The following ARL15 variants were observed in gnomAD, a reference collection of about 807,000 sequenced individuals.
ARL15 encodes the protein ARF like GTPase 15.
In ARL15, 19 loss-of-function variants were observed where a neutral mutation model predicts 25.2. That is an observed-to-expected ratio of 0.75 (90% CI 0.53 to 1.10). ARL15 has a LOEUF of 1.10. Among genes scored for constraint, ARL15 ranks in the 50% least tolerant of loss-of-function variants. The pLI is 0.00. For synonymous variants in ARL15, 94 were observed against 86.8 expected (o/e 1.08, Z -0.46); for missense variants, 220 against 246.0 (o/e 0.89, Z 0.71).
chr5:54,217,960 C>T (rs977581686), intron 1 of ARL15, among the ~76,000 whole-genome samples: 1 of 152,088 alleles, frequency 6.6e-6, no homozygotes, highest in African/African-American at 2.4e-5. Context: ...CCAAACATTG[C>T]TTAATGTAAC....
chr5:53,886,656 G>A lies in ARL15; in HGVS notation c.520C>T (p.Pro174Ser). The change falls in exon 5 of 5, where the codon CCC becomes TCC. Residue 174 changes from proline to serine, a missense_variant. Coordinates refer to ENST00000504924, the MANE Select transcript of ARL15 (RefSeq NM_019087.3). Reference sequence around the variant, plus strand: ...GCATCCATGTCATCCAGTGAGCAGGGCTGTAGAATCCAGCGTTTTCCACGT... The same window carrying A: ...GCATCCATGTCATCCAGTGAGCAGGACTGTAGAATCCAGCGTTTTCCACGT... ...LARGKRWILQ[P>S]CSLDDMDALK... 6.3e-7 allele frequency: 1 copy of A among 1,576,096 alleles called. No individual in the cohort carries two copies. Among genetic ancestry groups the A allele is most frequent in the Admixed American group, 1.8e-5 (1 of 54,930 alleles).
chr5:54,189,816 T>C (rs756619835), intron 1 of ARL15, among the ~76,000 whole-genome samples: 16 of 152,026 alleles, frequency 1.1e-4, no homozygotes, highest in Admixed American at 2.6e-4. Context: ...AATAGGCAAA[T>C]TGAACTTTAT....
chr5:54,017,777 A>G (rs980419157), intron 4 of ARL15, among the ~76,000 whole-genome samples: 2 of 151,920 alleles, frequency 1.3e-5, no homozygotes, highest in African/African-American at 4.8e-5. Context: ...CCTTCCATTA[A>G]CCCCCAGAGC....
intron 1 of ARL15, among the ~76,000 whole-genome samples, chr5:54,205,451 G>T (rs1485703514): frequency 1.3e-5 from 2 of 152,306 alleles, no homozygotes; most frequent in East Asian, 3.9e-4. Context: ...GTTCCAAACA[G>T]AACAAAAGTT....
intron 4 of ARL15, among the ~76,000 whole-genome samples, chr5:53,964,767 T>C (rs1747494645): frequency 6.6e-6 from 1 of 152,202 alleles, no homozygotes; most frequent in South Asian, 2.1e-4. Flanking sequence ...AATGTAGAAA[T>C]ACTTTCTATA....
At position 54,054,355 on chromosome 5, in the gene ARL15, T is replaced by C. The variant is rs1046387361; in HGVS notation, c.462+58847A>G. Among the ~76,000 whole-genome samples, 12 of 152,358 alleles carry C rather than the reference T, an allele frequency of 7.9e-5. No individual in the cohort carries two copies. The South Asian group carries it at 1.0e-3, about 13-fold the overall frequency. ...AGTGGATTATGTATAAGAAAATTTA[T>C]TGTGGCACTCTTTCTGAAAGAAAAA... On this transcript the variant is annotated intron_variant, in intron 4 of 4. Transcript: ENST00000504924.
intron 4 of ARL15, among the ~76,000 whole-genome samples, chr5:53,918,282 C>T (rs1232531679): frequency 6.6e-6 from 1 of 152,094 alleles, no homozygotes; most frequent in Non-Finnish European, 1.5e-5. Context: ...ACATCCTGCG[C>T]TGAAGCAATA....
At chr5:54,018,896 T>G (rs1749504699) in intron 4 of ARL15, among the ~76,000 whole-genome samples, 1 of 152,166 alleles carries the variant, frequency 6.6e-6, no homozygotes, top group African/African-American at 2.4e-5. Context: ...AATAATCTAT[T>G]ATAGTTCCCA....
Position 54,134,192 on chromosome 5 carries a change from A to T in ARL15, c.253+20388T>A, listed in dbSNP as rs150245102. On this transcript the variant is annotated intron_variant, in intron 3 of 4. Coordinates refer to ENST00000504924, the MANE Select transcript of ARL15 (RefSeq NM_019087.3). ...ATTGTGAACCACCATGGGTTCACTAAGAATAAATGTTTCTAAATAATTCTC... is the reference window on the plus strand; with the variant it reads ...ATTGTGAACCACCATGGGTTCACTATGAATAAATGTTTCTAAATAATTCTC... Among the ~76,000 whole-genome samples the T allele has an allele frequency of 2.3e-3, 354 of 152,374 alleles. 2 individuals carry two copies. The highest frequency in any genetic ancestry group is 8.3e-3 in the African/African-American group (346 of 41,594).
At chr5:54,110,909 C>T (rs896631724) in intron 4 of ARL15, among the ~76,000 whole-genome samples, 1 of 151,980 alleles carries the variant, frequency 6.6e-6, no homozygotes, top group Non-Finnish European at 1.5e-5. Context: ...TTCCTGAGAG[C>T]ATTTCAACAA....
intron 4 of ARL15, among the ~76,000 whole-genome samples, chr5:54,108,193 G>A (rs1309323568): frequency 6.6e-6 from 1 of 152,076 alleles, no homozygotes; most frequent in African/African-American, 2.4e-5. Flanking sequence ...ATATTTTCAA[G>A]AGATAGCTGA....
At chr5:53,968,533 A>G (rs943366227) in intron 4 of ARL15, among the ~76,000 whole-genome samples, 1 of 152,156 alleles carries the variant, frequency 6.6e-6, no homozygotes, top group Non-Finnish European at 1.5e-5. Context: ...TGTAATTTCA[A>G]CTATCATAAG....
intron 4 of ARL15, among the ~76,000 whole-genome samples, chr5:53,976,588 C>T (rs1747932674): frequency 6.6e-6 from 1 of 152,196 alleles, no homozygotes; most frequent in South Asian, 2.1e-4. Context: ...CAGCCCCAAA[C>T]CGTAGTCTAG....
At chr5:54,178,351 G>A (rs188819797) in intron 1 of ARL15, among the ~76,000 whole-genome samples, 270 of 152,132 alleles carry the variant, frequency 1.8e-3, no homozygotes, top group Non-Finnish European at 3.4e-3. Context: ...TTCTTCAGTC[G>A]GCTTTGGGAC....
chr5:53,951,831 G>T (rs1746975775), intron 4 of ARL15, among the ~76,000 whole-genome samples: 2 of 141,450 alleles, frequency 1.4e-5, no homozygotes, highest in Admixed American at 7.1e-5. Context: ...TGTTCTCTTA[G>T]ACTTTACATA....
At chr5:53,928,234 T>G (rs1014810188) in intron 4 of ARL15, among the ~76,000 whole-genome samples, 2 of 152,176 alleles carry the variant, frequency 1.3e-5, no homozygotes, top group Non-Finnish European at 2.9e-5. Flanking sequence ...TGATTTATGG[T>G]TGCTTAGGTA....
rs75401707 is a variant in ARL15, at chr5:54,253,199, C to T, written c.48+57233G>A. ...CTTCTCGGCAGCAGTCAGCATAGCA[C>T]TCAAATAGCAAGTGGCTTCAAGAGG... On this transcript the variant is annotated intron_variant, in intron 1 of 4. Transcript: ENST00000504924. Among the ~76,000 whole-genome samples the T allele has an allele frequency of 9.8e-3, 1,486 of 152,192 alleles. 9 individuals are homozygous for T. Among genetic ancestry groups the T allele is most frequent in the Middle Eastern group, 0.02 (6 of 294 alleles).
chr5:53,956,565 C>A (rs1437907095), intron 4 of ARL15, among the ~76,000 whole-genome samples: 1 of 151,568 alleles, frequency 6.6e-6, no homozygotes, highest in Non-Finnish European at 1.5e-5. Flanking sequence ...CAGATAAAGA[C>A]TTTAAGTCAG....
intron 1 of ARL15, among the ~76,000 whole-genome samples, chr5:54,183,741 C>CA (rs1755135203): frequency 6.7e-6 from 1 of 150,192 alleles, no homozygotes; most frequent in African/African-American, 2.5e-5. Flanking sequence ...CCAGCCATCC[C>CA]ATTACTGGGT....
Sources: gnomAD v4.1 joint callset for allele counts (sites outside exome capture counted in the v4.1 genomes callset) on GRCh38, gnomAD v4.1.1 for gene constraint, MANE v1.5 for transcripts, NCBI Gene and HGNC (gene_info 2026-07-23, HGNC 2026-07-21) for gene names.